The following OPCML variants were observed in gnomAD, a reference collection of about 807,000 sequenced individuals.
OPCML encodes the protein opioid-binding protein/cell adhesion molecule.
Under a neutral mutation model 37.8 loss-of-function variants are expected in OPCML, and 13 were observed. That is an observed-to-expected ratio of 0.34 (90% confidence interval 0.22 to 0.55). The LOEUF is 0.55. Among genes scored for constraint, OPCML ranks in the 20% least tolerant of loss-of-function variants. The pLI, the probability that OPCML is intolerant of heterozygous loss-of-function variation, is 0.91. For synonymous variants in OPCML, 176 were observed against 168.8 expected (o/e 1.04, Z -0.33); for missense variants, 341 against 435.6 (o/e 0.78, Z 1.93).
At position 133,012,732 on chromosome 11, in the gene OPCML, G is replaced by A. The variant is rs555790879; in HGVS notation, c.62-69722C>T. ...CTCTACTAAAAATACAAAATTAGAC[G>A]GGCATGGTGGCACATGCCTGTAATC... On this transcript the variant is annotated intron_variant, in intron 1 of 7. Coordinates refer to ENST00000524381, the MANE Select transcript of OPCML (RefSeq NM_001012393.5). Among the ~76,000 whole-genome samples the A allele has an allele frequency of 3.9e-5, 6 of 152,034 alleles. No individual in the cohort carries two copies. The East Asian group carries it at 9.7e-4, about 25-fold the overall frequency.
At chr11:132,983,206 C>T (rs536613992) in intron 1 of OPCML, among the ~76,000 whole-genome samples, 4 of 152,250 alleles carry the variant, frequency 2.6e-5, no homozygotes, top group Middle Eastern at 3.4e-3. Flanking sequence ...AGCCATGGCC[C>T]GGTGACCTTT....
intron 1 of OPCML, among the ~76,000 whole-genome samples, chr11:133,445,913 G>C (rs188874216): frequency 2.6e-5 from 4 of 152,084 alleles, no homozygotes; most frequent in African/African-American, 7.2e-5. Flanking sequence ...AGGAAGGGGG[G>C]GCTGCCAAGA....
intron 2 of OPCML, among the ~76,000 whole-genome samples, chr11:132,819,788 G>A (rs1939864365): frequency 6.6e-6 from 1 of 152,160 alleles, no homozygotes; most frequent in Non-Finnish European, 1.5e-5. Flanking sequence ...GACATCATCA[G>A]TAAGTCACTT....
At chr11:133,403,574 G>A (rs1945457923) in intron 1 of OPCML, among the ~76,000 whole-genome samples, 1 of 152,164 alleles carries the variant, frequency 6.6e-6, no homozygotes, top group Non-Finnish European at 1.5e-5. Context: ...CCAAAGGCAG[G>A]TTACTCTGTC....
intron 1 of OPCML, among the ~76,000 whole-genome samples, chr11:133,016,809 A>C (rs1947343553): frequency 6.6e-6 from 1 of 152,158 alleles, no homozygotes; most frequent in Non-Finnish European, 1.5e-5. Context: ...GGCAACCACA[A>C]ACATATAACA....
At chr11:132,590,274 A>AT (rs1476362712) in intron 3 of OPCML, among the ~76,000 whole-genome samples, 1 of 152,188 alleles carries the variant, frequency 6.6e-6, no homozygotes, top group Non-Finnish European at 1.5e-5. Flanking sequence ...TACTTCAAAT[A>AT]TTTTTTGAAT....
chr11:133,505,818 C>A (rs977933563), intron 1 of OPCML, among the ~76,000 whole-genome samples: 4 of 152,226 alleles, frequency 2.6e-5, no homozygotes, highest in African/African-American at 9.6e-5. Flanking sequence ...CCACATGAAG[C>A]CTTCCCTGCT....
intron 2 of OPCML, among the ~76,000 whole-genome samples, chr11:132,666,483 G>A (rs1565759407): frequency 6.6e-6 from 1 of 152,092 alleles, no homozygotes; most frequent in African/African-American, 2.4e-5. Flanking sequence ...CCAATCTTGG[G>A]GCTCACATTT....
chr11:132,923,755 ATTTTTTTT>A (rs71038509), intron 2 of OPCML, among the ~76,000 whole-genome samples: 1 of 92,066 alleles, frequency 1.1e-5, no homozygotes, highest in East Asian at 3.3e-4. Context: ...AGTTACTTGA[ATTTTTTTT>A]TTTTTTTTTT....
chr11:133,245,179 C>A (rs1290476903), intron 1 of OPCML, among the ~76,000 whole-genome samples: 1 of 152,236 alleles, frequency 6.6e-6, no homozygotes, highest in East Asian at 1.9e-4. Flanking sequence ...CCATATAGCA[C>A]AACGTGCAGC....
intron 1 of OPCML, among the ~76,000 whole-genome samples, chr11:132,961,838 A>G (rs2136724569): frequency 6.6e-6 from 1 of 152,320 alleles, no homozygotes; most frequent in East Asian, 1.9e-4. Flanking sequence ...CTTCTGCCAT[A>G]TGAAAGGTCT....
intron 3 of OPCML, among the ~76,000 whole-genome samples, chr11:132,568,663 G>C (rs2096430148): frequency 6.6e-6 from 1 of 152,152 alleles, no homozygotes; most frequent in South Asian, 2.1e-4. Flanking sequence ...ATTTCTTCCT[G>C]GAACCTCAGA....
intron 1 of OPCML, among the ~76,000 whole-genome samples, chr11:133,159,288 A>G (rs115178877): frequency 0.012 from 1,752 of 152,220 alleles, 35 homozygotes; most frequent in African/African-American, 0.04. Context: ...GTGGAAAGGG[A>G]GAGGTCAGAG....
At chr11:133,238,780 A>C (rs1940618869) in intron 1 of OPCML, among the ~76,000 whole-genome samples, 1 of 152,212 alleles carries the variant, frequency 6.6e-6, no homozygotes. Context: ...AAAAAACGAC[A>C]GTATTCTGTG....
intron 1 of OPCML, among the ~76,000 whole-genome samples, chr11:133,244,368 G>A (rs563919555): frequency 1.3e-5 from 2 of 151,952 alleles, no homozygotes; most frequent in Admixed American, 6.6e-5. Context: ...TGTTTGCCAA[G>A]CACCCCCAAA....
intron 1 of OPCML, among the ~76,000 whole-genome samples, chr11:133,054,699 TAG>T (rs1240931930): frequency 9.2e-5 from 14 of 152,230 alleles, no homozygotes; most frequent in Non-Finnish European, 1.6e-4. Flanking sequence ...CATAAAGCCT[TAG>T]AGAGTCCAAC....
At chr11:132,420,568 G>T (rs1246957290) in intron 7 of OPCML, among the ~76,000 whole-genome samples, 1 of 152,208 alleles carries the variant, frequency 6.6e-6, no homozygotes, top group Non-Finnish European at 1.5e-5. Context: ...TGGGCCCAAA[G>T]GTTAAGGCAA....
At chr11:133,459,331 A>C (rs537285806) in intron 1 of OPCML, among the ~76,000 whole-genome samples, 28 of 152,212 alleles carry the variant, frequency 1.8e-4, no homozygotes, top group Admixed American at 6.5e-4. Context: ...AAAAGGCTCT[A>C]AGACATACAG....
chr11:132,540,217 G>A (rs1420370101), intron 3 of OPCML, among the ~76,000 whole-genome samples: 1 of 152,078 alleles, frequency 6.6e-6, no homozygotes, highest in Non-Finnish European at 1.5e-5. Flanking sequence ...CAGGATATGT[G>A]GTTAGTGTCA....
Sources: allele counts gnomAD v4.1 joint callset (sites outside exome capture counted in the v4.1 genomes callset), GRCh38; gene constraint gnomAD v4.1.1; transcripts MANE v1.5; gene names NCBI Gene and HGNC (gene_info 2026-07-23, HGNC 2026-07-21).